Variants in TNIK observed in about 807,000 individuals in gnomAD.
The protein encoded by TNIK is TRAF2 and NCK interacting kinase.
In TNIK, 49 loss-of-function variants were observed where a neutral mutation model predicts 191.3. The observed-to-expected ratio is 0.26, with a 90% confidence interval of 0.20 to 0.32. The LOEUF is 0.32. Ranked by LOEUF, TNIK falls within the 10% of genes least tolerant of loss-of-function variation. The pLI is 1.00. For missense variants in TNIK, 1,155 were observed against 1,702.3 expected (o/e 0.68, Z 5.66); for synonymous variants, 594 against 600.9 (o/e 0.99, Z 0.17).
At chr3:171,190,196 G>A (rs1292596901) in intron 6 of TNIK, among the ~76,000 whole-genome samples, 1 of 152,202 alleles carries the variant, frequency 6.6e-6, no homozygotes, top group African/African-American at 2.4e-5. Flanking sequence ...GGAAGTGGGG[G>A]TAATCAGTAT....
At chr3:171,426,577 C>T (rs1370936199) in intron 1 of TNIK, among the ~76,000 whole-genome samples, 1 of 151,970 alleles carries the variant, frequency 6.6e-6, no homozygotes, top group Non-Finnish European at 1.5e-5. Flanking sequence ...ATAAAATCAT[C>T]TTGGAATGTA....
chr3:171,330,918 C>T (rs1188644724), intron 2 of TNIK, among the ~76,000 whole-genome samples: 2 of 152,146 alleles, frequency 1.3e-5, no homozygotes, highest in Non-Finnish European at 2.9e-5. Flanking sequence ...GGAACAGGTC[C>T]GTTTGACCTC....
rs762209843 is a variant in TNIK, at chr3:171,167,178, A to G, written c.866T>C (p.Ile289Thr). The part of the protein sequence containing the change: ...ATEQLMKHPF[I>T]RDQPNERQVR... ...CTGTCGCTCATTAGGTTGGTCTCGT[A>G]TAAATGGATGCTTCATCAATTGTTC... is the stretch of plus-strand genomic sequence containing the variant. Residue 289 changes from isoleucine to threonine, a missense_variant, in exon 10 of 33, where the codon ATA becomes ACA. This residue lies in a region of TNIK where 225 missense variants were observed against 438.9 expected (regional missense o/e 0.51). Coordinates refer to ENST00000436636, the MANE Select transcript of TNIK (RefSeq NM_015028.4). The G allele has an allele frequency of 3.0e-5, 49 of 1,613,844 alleles. No homozygotes were observed. The highest frequency in any genetic ancestry group is 3.8e-5 in the Non-Finnish European group (45 of 1,179,886).
chr3:171,420,834 G>A (rs1307442543), intron 1 of TNIK, among the ~76,000 whole-genome samples: 1 of 152,174 alleles, frequency 6.6e-6, no homozygotes, highest in Non-Finnish European at 1.5e-5. Context: ...AGACTAAAGG[G>A]AGGGCAGCAT....
At chr3:171,101,706 C>T (rs2108452914) in intron 21 of TNIK, 73 bp from the exon 22 acceptor site, 1 of 1,481,534 alleles carries the variant, frequency 6.7e-7, no homozygotes, top group Middle Eastern at 2.1e-4. Flanking sequence ...CAAGTCAGTG[C>T]TCCAGCTTAA....
intron 19 of TNIK, among the ~76,000 whole-genome samples, chr3:171,110,352 G>A (rs16855847): frequency 0.024 from 3,589 of 152,290 alleles, 152 homozygotes; most frequent in African/African-American, 0.083. Context: ...GACAATTGGT[G>A]CAATGCGTTC....
intron 2 of TNIK, among the ~76,000 whole-genome samples, chr3:171,334,811 A>G (rs1756782420): frequency 6.6e-6 from 1 of 152,104 alleles, no homozygotes; most frequent in Admixed American, 6.5e-5. Flanking sequence ...GCAGAGTATG[A>G]AAGGAAGGTA....
At chr3:171,257,025 T>G (rs1404437712) in intron 2 of TNIK, among the ~76,000 whole-genome samples, 1 of 152,272 alleles carries the variant, frequency 6.6e-6, no homozygotes, top group East Asian at 1.9e-4. Flanking sequence ...AAGAACTGTT[T>G]ACTCTGGTTT....
intron 30 of TNIK, 147 bp from the exon 31 acceptor site, chr3:171,066,882 T>C (rs1252450741): frequency 1.1e-6 from 1 of 949,038 alleles, no homozygotes; most frequent in Non-Finnish European, 1.5e-6. Flanking sequence ...ACCACTGACT[T>C]GTAAAATACC....
chr3:171,457,941 C>T (rs1370840721), intron 1 of TNIK, among the ~76,000 whole-genome samples: 1 of 152,220 alleles, frequency 6.6e-6, no homozygotes, highest in Non-Finnish European at 1.5e-5. Flanking sequence ...CCAGTGGGCC[C>T]TCACCGGTTG....
At chr3:171,458,183 AC>A (rs1225160971) in intron 1 of TNIK, among the ~76,000 whole-genome samples, 1 of 91,508 alleles carries the variant, frequency 1.1e-5, no homozygotes, top group Non-Finnish European at 2.1e-5. Context: ...GATTCGCAGC[AC>A]CCCACCCCCA....
At chr3:171,425,825 CA>C (rs34978608) in intron 1 of TNIK, among the ~76,000 whole-genome samples, 32,313 of 123,608 alleles carry the variant, frequency 0.26, 4,358 homozygotes, top group African/African-American at 0.49. Flanking sequence ...GAGACTCTGT[CA>C]AAAAAAAAAA....
At chr3:171,245,753 C>T (rs1326201525) in intron 2 of TNIK, among the ~76,000 whole-genome samples, 1 of 152,220 alleles carries the variant, frequency 6.6e-6, no homozygotes, top group African/African-American at 2.4e-5. Context: ...AATTTACTCA[C>T]TACTGAATGC....
At chr3:171,188,397 A>G (rs759218858) in intron 7 of TNIK, among the ~76,000 whole-genome samples, 10 of 152,252 alleles carry the variant, frequency 6.6e-5, no homozygotes, top group Non-Finnish European at 1.2e-4. Flanking sequence ...AATCTAAACC[A>G]TAACCAAAAT....
intron 1 of TNIK, among the ~76,000 whole-genome samples, chr3:171,379,341 A>G (rs9823371): frequency 0.39 from 59,164 of 152,070 alleles, 13,188 homozygotes; most frequent in East Asian, 0.85. Flanking sequence ...ATATAAAACT[A>G]AAAAGAGAAC....
At chr3:171,185,185 G>A (rs1737210316) in intron 7 of TNIK, among the ~76,000 whole-genome samples, 1 of 73,654 alleles carries the variant, frequency 1.4e-5, no homozygotes, top group South Asian at 5.0e-4. Context: ...TCCCGTGTGT[G>A]TGTGTGTGTG....
intron 28 of TNIK, among the ~76,000 whole-genome samples, chr3:171,078,514 TAGAA>T (rs1473176893): frequency 1.3e-5 from 2 of 152,136 alleles, no homozygotes; most frequent in East Asian, 3.9e-4. Context: ...TCTTGTTTTA[TAGAA>T]AGAAGTTTTC....
chr3:171,166,707 T>C (rs1351006273), intron 10 of TNIK, among the ~76,000 whole-genome samples: 1 of 152,224 alleles, frequency 6.6e-6, no homozygotes, highest in African/African-American at 2.4e-5. Flanking sequence ...TGTTGAAGAA[T>C]GTCAGTACAG....
Position 171,460,333 on chromosome 3 carries a change from G to T in TNIK, c.-270C>A. The T allele has an allele frequency of 1.8e-6, 1 of 555,834 alleles. No individual in the cohort carries two copies. The highest frequency in any genetic ancestry group is 3.1e-5 in the East Asian group (1 of 31,796). The allele number at this position is 555,834 out of a possible 1,614,324, so 34.4% of individuals were successfully genotyped here. A position where few individuals can be genotyped will look rare whatever the true frequency, so the allele number is the denominator to read the frequency against. Reference sequence around the variant, plus strand: ...GCGCCCCGATCGGCTAAGGGCGCTGGGGCTGCGTGGGTGTATTTAAATGGG... The same window carrying T: ...GCGCCCCGATCGGCTAAGGGCGCTGTGGCTGCGTGGGTGTATTTAAATGGG... On this transcript the variant is annotated 5_prime_UTR_variant, in exon 1 of 33. Transcript: ENST00000436636. The surrounding 1 kb of genome is among the most constrained non-coding windows in gnomAD (Gnocchi z 6.8).
Sources: gnomAD v4.1 joint callset for allele counts (sites outside exome capture counted in the v4.1 genomes callset) on GRCh38, gnomAD v4.1.1 for gene constraint, gnomAD v4.1.1 regional missense constraint, Gnocchi (gnomAD v3.1) non-coding constraint, MANE v1.5 for transcripts, NCBI Gene and HGNC (gene_info 2026-07-23, HGNC 2026-07-21) for gene names.